Variants in UNC13B observed in about 807,000 individuals in gnomAD.
UNC13B encodes protein unc-13 homolog B.
A neutral mutation model predicts 211.0 loss-of-function variants in UNC13B; 144 were observed. The ratio of observed to expected loss-of-function variants is 0.68; its 90% confidence interval spans 0.60 to 0.78. The LOEUF (loss-of-function observed/expected upper bound fraction) is 0.78. Among genes scored for constraint, UNC13B ranks in the 30% least tolerant of loss-of-function variants. The pLI is 0.00. For missense variants in UNC13B, 1,777 were observed against 2,002.0 expected (o/e 0.89, Z 2.14); for synonymous variants, 709 against 725.8 (o/e 0.98, Z 0.37).
intron 24 of UNC13B, among the ~76,000 whole-genome samples, chr9:35,388,042 G>A (rs1488326227): frequency 6.6e-6 from 1 of 152,180 alleles, no homozygotes; most frequent in African/African-American, 2.4e-5. Context: ...AGGGGCTGGA[G>A]GGAAGGGGCA....
At chr9:35,256,350 A>G (rs952589576) in intron 6 of UNC13B, among the ~76,000 whole-genome samples, 6 of 151,902 alleles carry the variant, frequency 3.9e-5, no homozygotes, top group Non-Finnish European at 5.9e-5. Context: ...TTTATTTAAA[A>G]CATTCAATGC....
rs1205635460 is a variant in UNC13B at position 35,300,577 on chromosome 9, A to C, written c.1173A>C (p.Glu391Asp). ...GTTCCCCCATTTCTGATAAGCAGGA[A>C]AATTTACAGTCACCAACATGGCATT... Reference protein sequence around the residue: ...LLGSPISDKQENLQSPTWHSS... With the variant: ...LLGSPISDKQDNLQSPTWHSS... Residue 391 changes from glutamate (E) to aspartate (D), a missense_variant, in exon 9 of 40, where the codon GAA becomes GAC. Physicochemically the swap from Glu to Asp is conservative, Grantham distance 45 (BLOSUM62 2). Coordinates refer to ENST00000635942, the MANE Select transcript of UNC13B (RefSeq NM_001371189.2). 2.5e-6 allele frequency: 1 copy of C among 398,898 alleles called. No homozygotes were observed. Among genetic ancestry groups the C allele is most frequent in the Non-Finnish European group, 4.4e-6 (1 of 226,038 alleles). The allele number at this position is 398,898 out of a possible 1,614,324, so 24.7% of individuals were successfully genotyped here.
intron 21 of UNC13B, 87 bp from the exon 22 acceptor site, chr9:35,384,158 TC>T (rs1308163599): frequency 6.3e-7 from 1 of 1,585,270 alleles, no homozygotes; most frequent in African/African-American, 1.3e-5. Flanking sequence ...TTTCTACTCA[TC>T]CAGGGGTGGT....
intron 11 of UNC13B, chr9:35,361,094 C>G (rs1833382781): frequency 6.6e-6 from 1 of 152,152 alleles, no homozygotes; most frequent in African/African-American, 2.4e-5. Context: ...TTGAACGTCT[C>G]AAGTCTTTTG....
At chr9:35,250,482 A>G (rs1826398436) in intron 6 of UNC13B, among the ~76,000 whole-genome samples, 1 of 152,134 alleles carries the variant, frequency 6.6e-6, no homozygotes, top group Non-Finnish European at 1.5e-5. Flanking sequence ...TTCTTGTTTT[A>G]CCATGTAAAT....
chr9:35,352,211 C>A (rs1236678465), intron 11 of UNC13B: 3 of 1,232,130 alleles, frequency 2.4e-6, no homozygotes, highest in South Asian at 4.1e-5. Flanking sequence ...ACTTCCTGAA[C>A]AAGATGGAGA....
rs764201721 is a variant in UNC13B, at chr9:35,306,637, A to C, written c.7233A>C (p.Glu2411Asp). ...CTGACCCAGTGAACTTGCCATTAGA[A>C]AAGGCCCCCGATGAGGTCTTACCAC... is the stretch of plus-strand genomic sequence containing the variant. ...FTTDPVNLPL[E>D]KAPDEVLPQI... Residue 2411 changes from glutamate (E) to aspartate (D), a missense_variant, in exon 9 of 40, where the codon GAA becomes GAC. Physicochemically the swap from Glu to Asp is conservative, Grantham distance 45. Coordinates refer to ENST00000635942, the MANE Select transcript of UNC13B (RefSeq NM_001371189.2). The C allele has an allele frequency of 1.5e-4, 61 of 398,930 alleles. No homozygotes were observed. The highest frequency in any genetic ancestry group is 2.5e-4 in the Non-Finnish European group (57 of 226,076). The allele number at this position is 398,930 out of a possible 1,614,324, so 24.7% of individuals were successfully genotyped here. A position where few individuals can be genotyped will look rare whatever the true frequency, so the allele number is the denominator to read the frequency against.
At position 35,313,938 on chromosome 9, in the gene UNC13B, C is replaced by T. The variant is rs755103756; in HGVS notation, c.9363C>T (p.Ala3121=). ...ATGCATCTTCACCATTTACCCAAGC[C>T]AGAGCACATTGGATCCGAGCAGTTA... is the stretch of plus-strand genomic sequence containing the variant. ...EENASSPFTQ[A]RAHWIRAVTK... is the part of the protein sequence containing the mutation. Residue 3121 remains alanine (A), a synonymous_variant, in exon 11 of 40, where the codon GCC becomes GCT. Transcript: ENST00000635942. The T allele has an allele frequency of 4.3e-6, 7 of 1,613,912 alleles. No individual in the cohort carries two copies. The highest frequency in any genetic ancestry group is 8.5e-7 in the Non-Finnish European group (1 of 1,179,882).
chr9:35,279,475 TG>T (rs1304879634), intron 7 of UNC13B, among the ~76,000 whole-genome samples: 2 of 152,226 alleles, frequency 1.3e-5, no homozygotes, highest in Non-Finnish European at 2.9e-5. Flanking sequence ...AAACCACTTT[TG>T]GCTATTGTGA....
intron 11 of UNC13B, among the ~76,000 whole-genome samples, chr9:35,333,009 G>A (rs1384253357): frequency 1.3e-5 from 2 of 152,158 alleles, no homozygotes; most frequent in African/African-American, 4.8e-5. Context: ...GTAGTGATTA[G>A]ATATGAGCAC....
chr9:35,222,102 A>G (rs1159749849), intron 1 of UNC13B, among the ~76,000 whole-genome samples: 1 of 151,770 alleles, frequency 6.6e-6, no homozygotes, highest in Non-Finnish European at 1.5e-5. Flanking sequence ...TTACTCCAAC[A>G]CCCTTTTTCC....
rs377077763 is a variant in UNC13B at position 35,381,743 on chromosome 9, G to A, written c.10655+24G>A. On this transcript the variant is annotated intron_variant, in intron 20 of 39. Coordinates refer to ENST00000635942, the MANE Select transcript of UNC13B (RefSeq NM_001371189.2). ...ACGTGAGTCTCTGCTGCGGCACCGG[G>A]AAGTGGCTACTAATCACTGGGGTGG... 6.2e-5 allele frequency: 100 copies of A among 1,609,152 alleles called. No individual in the cohort carries two copies. The African/African-American group carries it at 1.2e-3, about 20-fold the overall frequency.
chr9:35,172,222 TG>T (rs1462847368), intron 1 of UNC13B, among the ~76,000 whole-genome samples: 1 of 151,936 alleles, frequency 6.6e-6, no homozygotes, highest in East Asian at 1.9e-4. Flanking sequence ...GTATGTGTTT[TG>T]GGGATATGTG....
chr9:35,396,986 A>G lies in UNC13B; in HGVS notation c.11532+49A>G, dbSNP rs542163697. On this transcript the variant is annotated intron_variant, in intron 28 of 39. Transcript: ENST00000635942. ...CCGGGTTCAGGCCAGGTCTCCCAGC[A>G]ATTAGCTATTGGCAGAAGTTCCTGG... is the stretch of plus-strand genomic sequence containing the variant. 1.2e-4 allele frequency: 187 copies of G among 1,610,748 alleles called. 3 individuals are homozygous for G. The South Asian group carries it at 1.8e-3, about 15-fold the overall frequency.
chr9:35,325,771 A>C (rs1311044789), intron 11 of UNC13B, among the ~76,000 whole-genome samples: 1 of 152,122 alleles, frequency 6.6e-6, no homozygotes, highest in Non-Finnish European at 1.5e-5. Context: ...GCAACCATGA[A>C]TTTACTTTCT....
chr9:35,210,188 T>C (rs908241392), intron 1 of UNC13B, among the ~76,000 whole-genome samples: 1 of 152,228 alleles, frequency 6.6e-6, no homozygotes, highest in Non-Finnish European at 1.5e-5. Context: ...TTTTGAGCGA[T>C]TGATTTCTAT....
chr9:35,404,232 G>T lies in UNC13B; in HGVS notation c.*199G>T. 1.5e-6 allele frequency: 1 copy of T among 669,400 alleles called. No individual in the cohort carries two copies. The highest frequency in any genetic ancestry group is 2.0e-5 in the South Asian group (1 of 50,208). 41.5% of individuals were successfully genotyped at this position (669,400 alleles called of 1,614,324 possible). A position where few individuals can be genotyped will look rare whatever the true frequency, so the allele number is the denominator to read the frequency against. ...CATGAAGCCCTGGCCCAACAGGACT[G>T]TGGTACTAGGGGCTGGGATGTGGGG... On this transcript the variant is annotated 3_prime_UTR_variant, in exon 40 of 40. Coordinates refer to ENST00000635942, the MANE Select transcript of UNC13B (RefSeq NM_001371189.2).
intron 13 of UNC13B, 134 bp from the exon 14 acceptor site, chr9:35,374,993 G>T: frequency 1.1e-6 from 1 of 878,556 alleles, no homozygotes; most frequent in East Asian, 2.5e-5. Context: ...TAGGGCGGTT[G>T]CTGTGAGTGA....
At chr9:35,177,118 TAAAAAAAATTA>T (rs1338140609) in intron 1 of UNC13B, among the ~76,000 whole-genome samples, 2 of 151,740 alleles carry the variant, frequency 1.3e-5, no homozygotes, top group African/African-American at 2.4e-5. Flanking sequence ...CATCTCTATT[TAAAAAAAATTA>T]AAAAAAAATT....
Sources: gnomAD v4.1 joint callset for allele counts (sites outside exome capture counted in the v4.1 genomes callset) on GRCh38, gnomAD v4.1.1 for gene constraint, MANE v1.5 for transcripts, NCBI Gene and HGNC (gene_info 2026-07-23, HGNC 2026-07-21) for gene names.